The following HTR7 variants were observed in gnomAD, a reference collection of about 807,000 sequenced individuals.
HTR7 encodes 5-HT-7.
In HTR7, 16 loss-of-function variants were observed where a neutral mutation model predicts 34.0. That is an observed-to-expected ratio of 0.47 (90% CI 0.32 to 0.71). The LOEUF (loss-of-function observed/expected upper bound fraction) is 0.71. Ranked by LOEUF, HTR7 falls within the 30% of genes least tolerant of loss-of-function variation. HTR7 has a pLI of 0.04. For synonymous variants in HTR7, 265 were observed against 260.2 expected (o/e 1.02, Z -0.18); for missense variants, 504 against 625.5 (o/e 0.81, Z 2.07).
At chr10:90,844,932 T>C (rs948189996) in intron 1 of HTR7, among the ~76,000 whole-genome samples, 1 of 151,770 alleles carries the variant, frequency 6.6e-6, no homozygotes, top group Non-Finnish European at 1.5e-5. Context: ...GATTCTAACA[T>C]GCAGCCAGGG....
rs1844705719 is a variant in HTR7 at position 90,749,730 on chromosome 10, G to A, written c.540-136C>T. 2.6e-6 allele frequency: 2 copies of A among 759,214 alleles called. No homozygotes were observed. Among genetic ancestry groups the A allele is most frequent in the African/African-American group, 1.7e-5 (1 of 57,292 alleles). The allele number at this position is 759,214 out of a possible 1,614,324, so 47.0% of individuals were successfully genotyped here. ...TAGGCATCATTACTCCCATTTTGCA[G>A]AAAGGTAAACTAAGGCTCTGAGATG... On this transcript the variant is annotated intron_variant, in intron 1 of 3. Transcript: ENST00000336152. This position sits in a 1 kb window ranked among gnomAD's most constrained non-coding sequence, Gnocchi z 4.2.
intron 1 of HTR7, among the ~76,000 whole-genome samples, chr10:90,770,664 C>T (rs375380908): frequency 1.2e-4 from 19 of 152,222 alleles, no homozygotes; most frequent in East Asian, 7.7e-4. Context: ...CCCCTGTCGC[C>T]CTGGCCCTCT....
rs898602696 is a variant in HTR7, at chr10:90,742,581, G to C, written c.1394-53C>G. The C allele has an allele frequency of 1.3e-5, 17 of 1,303,012 alleles. No individual in the cohort carries two copies. The Admixed American group carries it at 2.4e-4, about 18-fold the overall frequency. 80.7% of individuals were successfully genotyped at this position (1,303,012 alleles called of 1,614,324 possible). A position where few individuals can be genotyped will look rare whatever the true frequency, so the allele number is the denominator to read the frequency against. On this transcript the variant is annotated intron_variant, in intron 3 of 3. Coordinates refer to ENST00000336152, the MANE Select transcript of HTR7 (RefSeq NM_019859.4). ...AATAATTTAGTAGAACTGTAAATGT[G>C]AGTTTTCATTTTGTGGTAGGTGGAC... is the stretch of plus-strand genomic sequence containing the variant.
At chr10:90,752,968 T>G (rs1461751303) in intron 1 of HTR7, among the ~76,000 whole-genome samples, 1 of 152,132 alleles carries the variant, frequency 6.6e-6, no homozygotes, top group South Asian at 2.1e-4. Context: ...AAGTACAAAA[T>G]GAAACATCAA....
intron 1 of HTR7, among the ~76,000 whole-genome samples, chr10:90,806,517 T>A (rs1347021623): frequency 6.6e-6 from 1 of 151,970 alleles, no homozygotes; most frequent in Non-Finnish European, 1.5e-5. Context: ...GAGAATGGCG[T>A]GAACCCGGGA....
intron 1 of HTR7, among the ~76,000 whole-genome samples, chr10:90,798,459 T>G (rs1014623252): frequency 4.6e-5 from 7 of 152,234 alleles, no homozygotes; most frequent in African/African-American, 1.7e-4. Context: ...ACACACTGAC[T>G]CATGCCTGGT....
chr10:90,806,585 C>G (rs562592696), intron 1 of HTR7, among the ~76,000 whole-genome samples: 1 of 150,282 alleles, frequency 6.7e-6, no homozygotes, highest in Non-Finnish European at 1.5e-5. Flanking sequence ...GGCGACAGAG[C>G]GAGACTCCAT....
chr10:90,846,565 G>T (rs930881372), intron 1 of HTR7, among the ~76,000 whole-genome samples: 3 of 152,278 alleles, frequency 2.0e-5, no homozygotes, highest in Admixed American at 2.0e-4. Flanking sequence ...GACCATTTTT[G>T]TCCATCTTGA....
At chr10:90,851,378 G>A (rs181983653) in intron 1 of HTR7, among the ~76,000 whole-genome samples, 38 of 152,154 alleles carry the variant, frequency 2.5e-4, no homozygotes, top group African/African-American at 7.0e-4. Context: ...AGGCCAAGGC[G>A]GGCGGATCAT....
At chr10:90,795,085 T>A (rs111604118) in intron 1 of HTR7, among the ~76,000 whole-genome samples, 247 of 152,342 alleles carry the variant, frequency 1.6e-3, no homozygotes, top group African/African-American at 5.5e-3. Context: ...TGTTTCTATG[T>A]CTTGGCTATT....
chr10:90,837,647 G>A (rs1846273480), intron 1 of HTR7, among the ~76,000 whole-genome samples: 1 of 152,204 alleles, frequency 6.6e-6, no homozygotes, highest in African/African-American at 2.4e-5. Context: ...TACCCAATCT[G>A]TGGTATTCTG....
chr10:90,810,969 A>C (rs1030842875), intron 1 of HTR7, among the ~76,000 whole-genome samples: 2 of 152,194 alleles, frequency 1.3e-5, no homozygotes, highest in African/African-American at 4.8e-5. Flanking sequence ...TCGACTTTAG[A>C]TACCTGGTTT....
intron 1 of HTR7, among the ~76,000 whole-genome samples, chr10:90,777,935 C>G (rs1341180504): frequency 1.3e-5 from 2 of 152,212 alleles, no homozygotes; most frequent in African/African-American, 4.8e-5. Flanking sequence ...CCACACACCC[C>G]TTCATCTCTT....
intron 1 of HTR7, among the ~76,000 whole-genome samples, chr10:90,844,026 T>C (rs942646567): frequency 2.0e-5 from 3 of 152,188 alleles, no homozygotes; most frequent in African/African-American, 7.2e-5. Flanking sequence ...AGTGGCAGAG[T>C]TGAGGAGTTG....
chr10:90,847,347 A>AG (rs1011544302), intron 1 of HTR7, among the ~76,000 whole-genome samples: 27 of 150,954 alleles, frequency 1.8e-4, no homozygotes, highest in South Asian at 4.2e-4. Context: ...TTAACATGAG[A>AG]GGAAAAAAAA....
intron 1 of HTR7, among the ~76,000 whole-genome samples, chr10:90,804,770 T>C (rs570231090): frequency 2.8e-4 from 42 of 152,362 alleles, no homozygotes; most frequent in Non-Finnish European, 3.5e-4. Flanking sequence ...AAGAGCTTTA[T>C]GCTGTTTCTC....
intron 1 of HTR7, among the ~76,000 whole-genome samples, chr10:90,850,662 G>C (rs150887018): frequency 1.2e-3 from 181 of 152,118 alleles, no homozygotes; most frequent in African/African-American, 4.0e-3. Flanking sequence ...TGAAAAGGTA[G>C]AGAATTTCAC....
chr10:90,748,418 G>GGGC, intron 2 of HTR7, among the ~76,000 whole-genome samples: 1 of 152,254 alleles, frequency 6.6e-6, no homozygotes. Context: ...AAAGATCATT[G>GGGC]TGCCTCCTAC....
At chr10:90,813,253 G>A (rs924671097) in intron 1 of HTR7, among the ~76,000 whole-genome samples, 7 of 152,182 alleles carry the variant, frequency 4.6e-5, no homozygotes, top group African/African-American at 1.2e-4. Context: ...ACACGGACGC[G>A]CATGAAACCT....
Sources: gnomAD v4.1 joint callset for allele counts (sites outside exome capture counted in the v4.1 genomes callset) on GRCh38, gnomAD v4.1.1 for gene constraint, Gnocchi (gnomAD v3.1) non-coding constraint, MANE v1.5 for transcripts, NCBI Gene and HGNC (gene_info 2026-07-23, HGNC 2026-07-21) for gene names.